LRP1B: variants seen among roughly 807,000 people sequenced by gnomAD.
LRP1B encodes low-density lipoprotein receptor-related protein 1B.
Under a neutral mutation model 556.6 loss-of-function variants are expected in LRP1B, and 217 were observed. The ratio of observed to expected loss-of-function variants is 0.39; its 90% CI spans 0.35 to 0.44. The LOEUF (loss-of-function observed/expected upper bound fraction) is 0.44. LRP1B is among the 20% of genes least tolerant of loss of function. LRP1B has a pLI of 1.00. For synonymous variants in LRP1B, 2,047 were observed against 1,865.8 expected (o/e 1.10, Z -2.50); for missense variants, 5,053 against 5,620.8 (o/e 0.90, Z 3.23).
chr2:141,701,766 G>A (rs1691947630), intron 2 of LRP1B, among the ~76,000 whole-genome samples: 1 of 151,794 alleles, frequency 6.6e-6, no homozygotes, highest in Admixed American at 6.6e-5. Context: ...AACTAACACG[G>A]GAAGTTGACT....
intron 2 of LRP1B, among the ~76,000 whole-genome samples, chr2:141,627,676 G>A (rs891256416): frequency 6.6e-6 from 1 of 152,160 alleles, no homozygotes; most frequent in Non-Finnish European, 1.5e-5. Flanking sequence ...CTCCACCCCT[G>A]GTCCATGGAA....
chr2:141,336,600 G>C (rs1559013883), intron 3 of LRP1B, among the ~76,000 whole-genome samples: 1 of 151,966 alleles, frequency 6.6e-6, no homozygotes, highest in African/African-American at 2.4e-5. Context: ...GTTTTGCTAT[G>C]TAGTTCTATT....
chr2:141,629,978 G>T (rs1205990150), intron 2 of LRP1B, among the ~76,000 whole-genome samples: 3 of 152,026 alleles, frequency 2.0e-5, no homozygotes, highest in African/African-American at 7.2e-5. Flanking sequence ...GCATTTATAA[G>T]TTGGATCAAT....
chr2:141,229,462 G>A (rs1490625448), intron 5 of LRP1B, 22 bp from the exon 6 acceptor site: 1 of 1,481,924 alleles, frequency 6.7e-7, no homozygotes, highest in Non-Finnish European at 9.3e-7. Context: ...TAGAAAAAGA[G>A]AAGTAAATTC....
intron 2 of LRP1B, among the ~76,000 whole-genome samples, chr2:141,801,673 ACT>A (rs1364988947): frequency 2.0e-5 from 3 of 152,094 alleles, no homozygotes; most frequent in African/African-American, 2.4e-5. Flanking sequence ...TTGCATAGTA[ACT>A]CTGTATAATT....
intron 18 of LRP1B, among the ~76,000 whole-genome samples, chr2:140,975,383 A>G (rs1156923648): frequency 6.6e-6 from 1 of 152,172 alleles, no homozygotes; most frequent in Non-Finnish European, 1.5e-5. Context: ...GTGTCAGAGG[A>G]TTGTGAAATT....
chr2:140,334,577 G>C lies in LRP1B; in HGVS notation c.12117-18C>G, dbSNP rs1238848518. On this transcript the variant is annotated intron_variant, in intron 78 of 90. Transcript: ENST00000389484. ...ACATCATCCTGAAGAGAGCGGGTCA[G>C]AGAGGTTAGCCTGGTGATGGTGCTG... 2 of 1,441,804 alleles carry C rather than the reference G, an allele frequency of 1.4e-6. No individual in the cohort carries two copies. Among genetic ancestry groups the C allele is most frequent in the Non-Finnish European group, 9.4e-7 (1 of 1,063,518 alleles). The allele number at this position is 1,441,804 out of a possible 1,614,324, so 89.3% of individuals were successfully genotyped here.
chr2:141,650,042 T>C (rs906763935), intron 2 of LRP1B, among the ~76,000 whole-genome samples: 1 of 152,124 alleles, frequency 6.6e-6, no homozygotes, highest in African/African-American at 2.4e-5. Flanking sequence ...TAGCGCGGCA[T>C]GGTGGCATGT....
intron 29 of LRP1B, among the ~76,000 whole-genome samples, chr2:140,842,607 T>C (rs1692144021): frequency 2.1e-5 from 3 of 139,800 alleles, no homozygotes; most frequent in African/African-American, 7.8e-5. Context: ...CAATTTCATC[T>C]TTTTTTTTTT....
chr2:140,972,024 A>G (rs1243184980), intron 18 of LRP1B, among the ~76,000 whole-genome samples: 1 of 152,110 alleles, frequency 6.6e-6, no homozygotes, highest in African/African-American at 2.4e-5. Flanking sequence ...AGAACAAGAA[A>G]CTACAAGCCG....
At chr2:140,437,123 C>G (rs17387299) in intron 66 of LRP1B, among the ~76,000 whole-genome samples, 1 of 151,730 alleles carries the variant, frequency 6.6e-6, no homozygotes, top group African/African-American at 2.4e-5. Context: ...TTGAAGAGAG[C>G]GAAACCCACA....
At chr2:141,996,720 C>A (rs1702502427) in intron 1 of LRP1B, among the ~76,000 whole-genome samples, 2 of 149,942 alleles carry the variant, frequency 1.3e-5, no homozygotes, top group Non-Finnish European at 3.0e-5. Flanking sequence ...CTTTCCCCCC[C>A]CCTACAAACT....
At chr2:140,914,238 G>A (rs1468967627) in intron 21 of LRP1B, among the ~76,000 whole-genome samples, 1 of 152,074 alleles carries the variant, frequency 6.6e-6, no homozygotes, top group East Asian at 1.9e-4. Context: ...ACAAGGATCT[G>A]AGTGAGAGAT....
At chr2:141,403,957 T>C (rs937737478) in intron 3 of LRP1B, among the ~76,000 whole-genome samples, 1 of 152,140 alleles carries the variant, frequency 6.6e-6, no homozygotes, top group Non-Finnish European at 1.5e-5. Flanking sequence ...TTCATAATCC[T>C]TCCAAAGAAT....
chr2:141,058,048 T>C (rs1699230894), intron 9 of LRP1B, among the ~76,000 whole-genome samples: 1 of 151,888 alleles, frequency 6.6e-6, no homozygotes, highest in Non-Finnish European at 1.5e-5. Flanking sequence ...CAAGACTATT[T>C]TGTCTGTTTT....
chr2:141,438,848 A>G (rs898560067), intron 3 of LRP1B, among the ~76,000 whole-genome samples: 1 of 152,176 alleles, frequency 6.6e-6, no homozygotes, highest in Non-Finnish European at 1.5e-5. Context: ...TTAATTGTGC[A>G]GGCAAGTAAA....
chr2:140,315,557 G>A (rs1041879993), intron 82 of LRP1B, among the ~76,000 whole-genome samples: 6 of 151,982 alleles, frequency 3.9e-5, no homozygotes, highest in Non-Finnish European at 8.8e-5. Flanking sequence ...GGACTATATT[G>A]TGCACCACCA....
intron 1 of LRP1B, among the ~76,000 whole-genome samples, chr2:142,083,628 C>T (rs959301925): frequency 1.3e-5 from 2 of 152,200 alleles, no homozygotes; most frequent in African/African-American, 4.8e-5. Flanking sequence ...TTCTTCTAAA[C>T]TGTAATTAAT....
chr2:141,503,506 A>G (rs1171834455), intron 2 of LRP1B, among the ~76,000 whole-genome samples: 1 of 151,942 alleles, frequency 6.6e-6, no homozygotes, highest in African/African-American at 2.4e-5. Flanking sequence ...ATAATACTGC[A>G]GTTATGTATG....
Sources: allele counts gnomAD v4.1 joint callset (sites outside exome capture counted in the v4.1 genomes callset), GRCh38; gene constraint gnomAD v4.1.1; transcripts MANE v1.5; gene names NCBI Gene and HGNC (gene_info 2026-07-23, HGNC 2026-07-21).